The following AKR1C3 variants were observed in gnomAD, a reference collection of about 807,000 sequenced individuals.
The protein encoded by AKR1C3 is aldo-keto reductase family 1 member C3, also known as 3-alpha hydroxysteroid dehydrogenase, type II.
In AKR1C3, 48 loss-of-function variants were observed where a neutral mutation model predicts 43.6. The observed-to-expected ratio is 1.10, with a 90% CI of 0.87 to 1.40. The LOEUF (loss-of-function observed/expected upper bound fraction) is 1.40. Ranked by LOEUF, AKR1C3 falls within the 40% of genes most tolerant of loss-of-function variation. The pLI is 0.00. For missense variants in AKR1C3, 482 were observed against 391.2 expected, an observed-to-expected ratio of 1.23 and a Z score of -1.96; for synonymous variants, 162 against 139.6, an observed-to-expected ratio of 1.16 and a Z score of -1.13.
At chr10:5,091,765 T>C (rs1839095236), upstream of AKR1C3, among the ~76,000 whole-genome samples, 1 of 152,176 alleles carries the variant, frequency 6.6e-6, no homozygotes, top group Non-Finnish European at 1.5e-5. Flanking sequence ...ATTGTGTACA[T>C]GTTAACATAG....
At position 5,072,616 on chromosome 10, in the gene AKR1C3, C is replaced by A. The variant is rs186743984; in HGVS notation, c.84+23721C>A. ...AATATCAAGAAAGATAACTTCCTATCTCCATGGGCCCCTTACTCCAAGCTA... is the reference window on the plus strand; with the variant it reads ...AATATCAAGAAAGATAACTTCCTATATCCATGGGCCCCTTACTCCAAGCTA... On this transcript the variant is annotated intron_variant, in intron 1 of 8. Coordinates refer to the AKR1C3 transcript ENST00000439082. 4.6e-3 allele frequency among the ~76,000 whole-genome samples: 704 copies of A among 152,300 alleles called. 4 individuals carry two copies. The highest frequency in any genetic ancestry group is 0.015 in the African/African-American group (641 of 41,550).
intron 5 of AKR1C3, among the ~76,000 whole-genome samples, chr10:5,100,561 A>T (rs1839321378): frequency 6.6e-6 from 1 of 152,226 alleles, no homozygotes; most frequent in South Asian, 2.1e-4. Flanking sequence ...GACTTCCCCC[A>T]AATGTCACAA....
At chr10:5,096,946 A>G (rs1179005168) in intron 2 of AKR1C3, among the ~76,000 whole-genome samples, 3 of 152,204 alleles carry the variant, frequency 2.0e-5, no homozygotes, top group African/African-American at 7.2e-5. Flanking sequence ...GTGAGATAGA[A>G]AGCAATATAA....
intron 1 of AKR1C3, among the ~76,000 whole-genome samples, chr10:5,080,232 G>A (rs1173214479): frequency 6.6e-6 from 1 of 152,108 alleles, no homozygotes; most frequent in Admixed American, 6.5e-5. Context: ...GTGAATGAGT[G>A]TGTGAAAATG....
upstream of AKR1C3, among the ~76,000 whole-genome samples, chr10:5,092,269 G>C (rs191362305): frequency 1.0e-3 from 154 of 151,942 alleles, 1 homozygote; most frequent in African/African-American, 3.5e-3. Flanking sequence ...TGTGGGCCTT[G>C]GTCTCTTTAT....
chr10:5,048,890 C>T, exon 1 of AKR1C3: 2 of 1,612,600 alleles, frequency 1.2e-6, no homozygotes, highest in Non-Finnish European at 1.7e-6. Flanking sequence ...CTATGCACCT[C>T]CAGAGGTAAT....
intron 1 of AKR1C3, among the ~76,000 whole-genome samples, chr10:5,065,509 G>T (rs911284913): frequency 2.0e-5 from 3 of 152,090 alleles, no homozygotes; most frequent in Non-Finnish European, 2.9e-5. Flanking sequence ...TTGGCTTCTT[G>T]AACAAAGAAT....
chr10:5,091,107 A>T (rs911047452), upstream of AKR1C3, among the ~76,000 whole-genome samples: 10 of 152,044 alleles, frequency 6.6e-5, no homozygotes, highest in Admixed American at 4.6e-4. Context: ...CAGACGATTG[A>T]GCAACCACCG....
chr10:5,103,825 T>C (rs1350194170), intron 7 of AKR1C3, among the ~76,000 whole-genome samples: 3 of 152,160 alleles, frequency 2.0e-5, no homozygotes, highest in African/African-American at 7.2e-5. Context: ...TGGAAAGAGC[T>C]AGAAATTCAT....
At chr10:5,088,907 T>C (rs1588349458) in intron 1 of AKR1C3, among the ~76,000 whole-genome samples, 2 of 152,090 alleles carry the variant, frequency 1.3e-5, no homozygotes, top group South Asian at 4.1e-4. Flanking sequence ...TTATGACCTG[T>C]GTACTTCATG....
chr10:5,083,224 G>T (rs554191739), intron 1 of AKR1C3, among the ~76,000 whole-genome samples: 2 of 151,754 alleles, frequency 1.3e-5, no homozygotes, highest in East Asian at 1.9e-4. Context: ...TATCCCTCCC[G>T]ACTCCCCCCA....
At chr10:5,089,528 G>A (rs1453958247), upstream of AKR1C3, among the ~76,000 whole-genome samples, 1 of 152,002 alleles carries the variant, frequency 6.6e-6, no homozygotes, top group Admixed American at 6.6e-5. Context: ...TGCTGGTTTA[G>A]TCTACTCTCA....
At chr10:5,087,078 G>C (rs10904414) in intron 1 of AKR1C3, among the ~76,000 whole-genome samples, 1 of 151,976 alleles carries the variant, frequency 6.6e-6, no homozygotes, top group African/African-American at 2.4e-5. Flanking sequence ...TTTAAAGTTA[G>C]TATTGTTATG....
At chr10:5,060,597 A>G (rs561722102) in intron 1 of AKR1C3, among the ~76,000 whole-genome samples, 1 of 152,264 alleles carries the variant, frequency 6.6e-6, no homozygotes, top group African/African-American at 2.4e-5. Context: ...CCAAGTCCCC[A>G]CCAGACTCAG....
At chr10:5,088,623 C>T (rs1292797261) in intron 1 of AKR1C3, among the ~76,000 whole-genome samples, 1 of 151,222 alleles carries the variant, frequency 6.6e-6, no homozygotes, top group Admixed American at 6.6e-5. Context: ...TCTGTTTTAT[C>T]TAGTATAAGA....
chr10:5,083,397 G>T (rs1838879925), intron 1 of AKR1C3, among the ~76,000 whole-genome samples: 1 of 152,138 alleles, frequency 6.6e-6, no homozygotes, highest in South Asian at 2.1e-4. Flanking sequence ...TCCCTAAAAA[G>T]GGCATGAACT....
At chr10:5,086,578 G>A (rs143210792) in intron 1 of AKR1C3, among the ~76,000 whole-genome samples, 5 of 151,414 alleles carry the variant, frequency 3.3e-5, no homozygotes, top group Non-Finnish European at 7.3e-5. Flanking sequence ...GAGCTCTGTA[G>A]GTGTCTATTA....
chr10:5,071,437 C>T (rs1164535875), intron 1 of AKR1C3, among the ~76,000 whole-genome samples: 4 of 152,176 alleles, frequency 2.6e-5, no homozygotes, highest in Admixed American at 1.3e-4. Flanking sequence ...TCCTTAGAGG[C>T]GTGTCAGTAC....
intron 8 of AKR1C3, among the ~76,000 whole-genome samples, chr10:5,106,075 T>C (rs587666282): frequency 2.0e-5 from 3 of 152,358 alleles, no homozygotes; most frequent in East Asian, 1.9e-4. Context: ...ATCAAAAACA[T>C]TTCCATCAAC....
Sources: gnomAD v4.1 joint callset for allele counts (sites outside exome capture counted in the v4.1 genomes callset) on GRCh38, gnomAD v4.1.1 for gene constraint, MANE v1.5 for transcripts, NCBI Gene and HGNC (gene_info 2026-07-23, HGNC 2026-07-21) for gene names.